Variants in TMEM150B observed in about 807,000 individuals in gnomAD.
The protein encoded by TMEM150B is modulator of macroautophagy TMEM150B.
A neutral mutation model predicts 25.2 loss-of-function variants in TMEM150B; 33 were observed. That is an observed-to-expected ratio of 1.31 (90% CI 0.99 to 1.75). The LOEUF (loss-of-function observed/expected upper bound fraction) is 1.75. TMEM150B is among the 40% of genes most tolerant of loss of function. TMEM150B has a pLI of 0.00. For synonymous variants in TMEM150B, 133 were observed against 134.8 expected, an observed-to-expected ratio of 0.99 and a Z score of 0.09; for missense variants, 322 against 306.1, an observed-to-expected ratio of 1.05 and a Z score of -0.39.
chr19:55,319,893 G>A, intron 6 of TMEM150B, 146 bp downstream of exon 6: 1 of 1,459,966 alleles, frequency 6.8e-7, no homozygotes, highest in East Asian at 2.5e-5. Flanking sequence ...CCGGTCCAAG[G>A]CCACTGGCCA....
chr19:55,320,308 T>A (rs2089163347), intron 5 of TMEM150B, 83 bp downstream of exon 5: 1 of 1,501,624 alleles, frequency 6.7e-7, no homozygotes, highest in Non-Finnish European at 8.9e-7. Flanking sequence ...GGGCATGGAC[T>A]CCTGGGTTTG....
At chr19:55,316,240 C>T (rs1218278779) in intron 7 of TMEM150B, among the ~76,000 whole-genome samples, 1 of 152,166 alleles carries the variant, frequency 6.6e-6, no homozygotes, top group Non-Finnish European at 1.5e-5. Flanking sequence ...GAGCAGTTCA[C>T]AGAATGCCTC....
At position 55,320,057 on chromosome 19, in the gene TMEM150B, G is replaced by C. The variant is rs563881479; in HGVS notation, c.306C>G (p.Ser102=). 4.3e-6 allele frequency: 7 copies of C among 1,614,140 alleles called. No homozygotes were observed. The highest frequency in any genetic ancestry group is 1.3e-5 in the African/African-American group (1 of 75,036). The change falls in exon 6 of 8, where the codon TCC becomes TCG. Residue 102 remains serine, a synonymous_variant. Transcript: ENST00000326652. ...WTGLLCALGT[S]VVGNFQEKNQ... ...GTCTCACCTGGAAATTGCCTACCAC[G>C]GAGGTGCCCAGGGCACACAGAAGAC...
chr19:55,316,637 C>T (rs1039749971), intron 7 of TMEM150B, 149 bp downstream of exon 7: 21 of 835,664 alleles, frequency 2.5e-5, no homozygotes, highest in South Asian at 8.5e-5. Flanking sequence ...ACCCCGAAGT[C>T]GGCATTCTCG....
chr19:55,312,009 C>T (rs773276955), downstream of TMEM150B: 25 of 1,524,598 alleles, frequency 1.6e-5, no homozygotes, highest in East Asian at 7.4e-5. Flanking sequence ...CAGCTCTCCC[C>T]GCCGAGGCCC....
chr19:55,311,240 G>T (rs1325756603), downstream of TMEM150B, among the ~76,000 whole-genome samples: 1 of 152,156 alleles, frequency 6.6e-6, no homozygotes, highest in Admixed American at 6.5e-5. Flanking sequence ...GGGATTACAG[G>T]CATGAGCCAC....
chr19:55,317,642 G>A (rs2089049627), intron 6 of TMEM150B, among the ~76,000 whole-genome samples: 1 of 152,022 alleles, frequency 6.6e-6, no homozygotes, highest in African/African-American at 2.4e-5. Flanking sequence ...TTAGCTAGGC[G>A]TGGTGGCGGG....
chr19:55,324,889 C>G (rs886623140), intron 1 of TMEM150B: 2 of 985,208 alleles, frequency 2.0e-6, no homozygotes, highest in African/African-American at 3.5e-5. Flanking sequence ...AGATGATCAG[C>G]AGGTGACAGC....
At chr19:55,313,569 C>G (rs2088888139) in intron 7 of TMEM150B, among the ~76,000 whole-genome samples, 1 of 152,144 alleles carries the variant, frequency 6.6e-6, no homozygotes, top group Non-Finnish European at 1.5e-5. Context: ...GTGTCCCCTC[C>G]TCCACGACAA....
intron 1 of TMEM150B, among the ~76,000 whole-genome samples, chr19:55,323,448 A>G (rs1273234416): frequency 3.3e-5 from 5 of 152,064 alleles, no homozygotes; most frequent in African/African-American, 9.7e-5. Context: ...AAAGAAAAAA[A>G]AAATGTGCGA....
chr19:55,324,814 G>T, intron 1 of TMEM150B: 1 of 985,324 alleles, frequency 1.0e-6, no homozygotes, highest in Non-Finnish European at 1.2e-6. Flanking sequence ...GGAGGTCTCC[G>T]TTTGCCCAGA....
chr19:55,314,210 T>G lies in TMEM150B; in HGVS notation c.506-1155A>C, dbSNP rs990302605. On this transcript the variant is annotated intron_variant, in intron 7 of 7. Transcript: ENST00000326652. ...CTAATTTTTGTATTTTTAGTAGAGA[T>G]AGAGTTTCACCGTGTTGGCCAGACA... Among the ~76,000 whole-genome samples, 3 of 152,096 alleles carry G rather than the reference T, an allele frequency of 2.0e-5. No individual in the cohort carries two copies. The South Asian group carries it at 6.2e-4, about 31-fold the overall frequency.
rs554107274 is a variant in TMEM150B at position 55,312,985 on chromosome 19, C to G, written c.576G>C (p.Leu192=). ...AACEWVVAML[L]FALFGLLAVD... is the part of the protein sequence containing the mutation. ...CGGCTAAGAGACCGAAGAGCGCGAA[C>G]AGCAGCATGGCCACGACCCACTCGC... Residue 192 remains leucine (L), a synonymous_variant, in exon 8 of 8, where the codon CTG becomes CTC. Transcript: ENST00000326652. 3 of 1,613,586 alleles carry G rather than the reference C, an allele frequency of 1.9e-6. No homozygotes were observed. The highest frequency in any genetic ancestry group is 2.5e-6 in the Non-Finnish European group (3 of 1,179,858).
At chr19:55,322,793 A>T in intron 1 of TMEM150B, 50 bp from the exon 2 acceptor site, 1 of 919,454 alleles carries the variant, frequency 1.1e-6, no homozygotes, top group African/African-American at 1.8e-5. Context: ...CTTTGGTCTG[A>T]CTGCCACTTC....
intron 7 of TMEM150B, 77 bp from the exon 8 acceptor site, chr19:55,313,132 G>A: frequency 1.4e-6 from 2 of 1,444,396 alleles, no homozygotes; most frequent in Non-Finnish European, 1.9e-6. Flanking sequence ...GCCTCGCGCT[G>A]GGCGGAGGCC....
At chr19:55,321,727 C>T (rs1044145954) in intron 2 of TMEM150B, among the ~76,000 whole-genome samples, 6 of 152,102 alleles carry the variant, frequency 3.9e-5, no homozygotes, top group Non-Finnish European at 7.4e-5. Context: ...CCCAGAATTC[C>T]GGGGCCCCAG....
At chr19:55,309,743 T>G (rs1402071030), downstream of TMEM150B, among the ~76,000 whole-genome samples, 3 of 152,174 alleles carry the variant, frequency 2.0e-5, no homozygotes, top group Non-Finnish European at 4.4e-5. Flanking sequence ...CAGTGTTCAG[T>G]AGAGAGCATA....
downstream of TMEM150B, among the ~76,000 whole-genome samples, chr19:55,311,388 G>A (rs564503638): frequency 4.6e-5 from 7 of 152,274 alleles, no homozygotes; most frequent in South Asian, 1.2e-3. Context: ...CCAAGAGGAG[G>A]TGGCCTCAGG....
rs957081779 is a variant in TMEM150B, at chr19:55,325,279, G to A, written c.-161C>T. 5.1e-6 allele frequency: 5 copies of A among 985,178 alleles called. No homozygotes were observed. The African/African-American group carries it at 8.7e-5, about 17-fold the overall frequency. 61.0% of individuals were successfully genotyped at this position (985,178 alleles called of 1,614,324 possible). A position where few individuals can be genotyped will look rare whatever the true frequency, so the allele number is the denominator to read the frequency against. ...GAATTAGGCCCCACTCACCGGCCAC[G>A]GGTAGGTTGGGTGTCTGGAGCCTGA... On this transcript the variant is annotated 5_prime_UTR_variant, in exon 1 of 8. Transcript: ENST00000326652.
Sources: allele counts gnomAD v4.1 joint callset (sites outside exome capture counted in the v4.1 genomes callset), GRCh38; gene constraint gnomAD v4.1.1; transcripts MANE v1.5; gene names NCBI Gene and HGNC (gene_info 2026-07-23, HGNC 2026-07-21).